CCDC158: variants seen among roughly 807,000 people sequenced by gnomAD.
CCDC158 encodes the protein coiled-coil domain-containing protein 158.
CCDC158 carries 116 observed loss-of-function variants against 138.6 expected under a neutral mutation model. The observed-to-expected ratio is 0.84, with a 90% confidence interval of 0.72 to 0.98. CCDC158 has a LOEUF of 0.98. CCDC158 is among the 50% of genes least tolerant of loss of function. CCDC158 has a pLI of 0.00. For missense variants in CCDC158, 1,265 were observed against 1,306.1 expected (o/e 0.97, Z 0.48); for synonymous variants, 436 against 442.4 (o/e 0.99, Z 0.18).
chr4:76,359,543 T>G (rs751895990), intron 13 of CCDC158, among the ~76,000 whole-genome samples: 3 of 152,218 alleles, frequency 2.0e-5, no homozygotes, highest in Non-Finnish European at 2.9e-5. Flanking sequence ...AGGAACTTAC[T>G]GGGAAATGAA....
intron 14 of CCDC158, among the ~76,000 whole-genome samples, chr4:76,355,798 C>CGTGTGT (rs71212417): frequency 0.082 from 11,982 of 145,462 alleles, 629 homozygotes; most frequent in East Asian, 0.21. Flanking sequence ...AATATATGTA[C>CGTGTGT]GTGTGTGTGT....
At chr4:76,415,863 G>A (rs1729650301) in intron 1 of CCDC158, among the ~76,000 whole-genome samples, 1 of 152,106 alleles carries the variant, frequency 6.6e-6, no homozygotes, top group Non-Finnish European at 1.5e-5. Context: ...AAAAATACCC[G>A]CTACTTAGCA....
intron 18 of CCDC158, among the ~76,000 whole-genome samples, chr4:76,334,426 T>C (rs931653039): frequency 2.6e-5 from 4 of 152,210 alleles, no homozygotes; most frequent in Admixed American, 2.0e-4. Context: ...TTTAAACTAC[T>C]TTTGTTTTAA....
At chr4:76,325,272 A>T (rs1456449099) in intron 23 of CCDC158, among the ~76,000 whole-genome samples, 1 of 152,212 alleles carries the variant, frequency 6.6e-6, no homozygotes, top group African/African-American at 2.4e-5. Flanking sequence ...TCTCTTACAA[A>T]AGGGAATGAT....
chr4:76,383,880 A>G, intron 6 of CCDC158, 142 bp from the exon 7 acceptor site: 1 of 713,036 alleles, frequency 1.4e-6, no homozygotes, highest in Non-Finnish European at 2.3e-6. Flanking sequence ...ATATTTTATT[A>G]GATCTTTTAC....
chr4:76,371,025 T>C (rs1034810149), intron 10 of CCDC158, among the ~76,000 whole-genome samples: 4 of 152,224 alleles, frequency 2.6e-5, no homozygotes, highest in South Asian at 2.1e-4. Context: ...AGCACAATCA[T>C]ACTGTCCTTT....
intron 13 of CCDC158, among the ~76,000 whole-genome samples, chr4:76,358,867 C>T (rs1003361886): frequency 6.6e-6 from 1 of 152,178 alleles, no homozygotes; most frequent in Non-Finnish European, 1.5e-5. Flanking sequence ...ATAGTAAATG[C>T]TCAGTAACTT....
In CCDC158 at chr4:76,388,631, T is replaced by TGTCC. The variant is rs537548881; in HGVS notation, c.289-3970_289-3967dup. On this transcript the variant is annotated intron_variant, in intron 4 of 24. Transcript: ENST00000682701. ...TCCAATCCCTGGCTCCTGGACAGCA[T>TGTCC]GTCCAGACATGCACAGGGCCTAGGG... Among the ~76,000 whole-genome samples the TGTCC allele has an allele frequency of 1.6e-3, 239 of 152,290 alleles. 2 individuals carry two copies. Among genetic ancestry groups the TGTCC allele is most frequent in the African/African-American group, 5.4e-3 (226 of 41,566 alleles).
At chr4:76,329,344 C>T (rs1024684148) in intron 21 of CCDC158, among the ~76,000 whole-genome samples, 25 of 152,154 alleles carry the variant, frequency 1.6e-4, no homozygotes, top group African/African-American at 2.9e-4. Flanking sequence ...CCAGCACTTT[C>T]GGAGGCTGAC....
At chr4:76,391,047 C>A (rs74673364) in intron 4 of CCDC158, among the ~76,000 whole-genome samples, 1 of 151,918 alleles carries the variant, frequency 6.6e-6, no homozygotes. Flanking sequence ...GACATCAACA[C>A]CCCACTTTCA....
intron 10 of CCDC158, 42 bp from the exon 11 acceptor site, chr4:76,369,665 ATAAT>A (rs1725053584): frequency 6.6e-7 from 1 of 1,524,204 alleles, no homozygotes; most frequent in African/African-American, 1.4e-5. Flanking sequence ...CTGCTATTAA[ATAAT>A]TAAGATAAAA....
At chr4:76,405,730 GCAGT>G (rs1309594640) in intron 2 of CCDC158, among the ~76,000 whole-genome samples, 11 of 152,096 alleles carry the variant, frequency 7.2e-5, no homozygotes, top group African/African-American at 2.7e-4. Context: ...GGAATAGACA[GCAGT>G]CAAAGGACAC....
chr4:76,365,025 C>T (rs1259160652), intron 12 of CCDC158, among the ~76,000 whole-genome samples: 2 of 152,202 alleles, frequency 1.3e-5, no homozygotes, highest in African/African-American at 4.8e-5. Flanking sequence ...GAGGGCTTTC[C>T]CTGGGACAAC....
rs1414705047 is a variant in CCDC158 at position 76,345,432 on chromosome 4, C to T, written c.2664+5564G>A. ...GGAGTGCTGCCTGAAATTTGAACAG[C>T]TTTCCAAATCTGCAAAAGAAGAACT... On this transcript the variant is annotated intron_variant, in intron 18 of 24. Transcript: ENST00000682701. 9 of 934,882 alleles carry T rather than the reference C, an allele frequency of 9.6e-6. No individual in the cohort carries two copies. The East Asian group carries it at 2.1e-4, about 22-fold the overall frequency. The allele number at this position is 934,882 out of a possible 1,614,324, so 57.9% of individuals were successfully genotyped here. A position where few individuals can be genotyped will look rare whatever the true frequency, so the allele number is the denominator to read the frequency against.
chr4:76,339,236 G>A (rs1412103513), intron 18 of CCDC158, among the ~76,000 whole-genome samples: 1 of 152,060 alleles, frequency 6.6e-6, no homozygotes, highest in Admixed American at 6.5e-5. Context: ...TGTCTGCACC[G>A]AGAGCATCAT....
Position 76,353,217 on chromosome 4 carries a change from T to C in CCDC158, c.2351A>G (p.Glu784Gly). The C allele has an allele frequency of 6.2e-7, 1 of 1,613,872 alleles. No individual in the cohort carries two copies. Among genetic ancestry groups the C allele is most frequent in the South Asian group, 1.1e-5 (1 of 91,012 alleles). Residue 784 changes from glutamate to glycine, a missense_variant, in exon 16 of 25, where the codon GAA becomes GGA. Glu to Gly is a moderately conservative substitution (Grantham distance 98). Coordinates refer to ENST00000682701, the MANE Select transcript of CCDC158 (RefSeq NM_001394954.1). The part of the protein sequence containing the change: ...LSQELSTVAT[E>G]KNKMAGELEV... ...CAACTCCCCAGCCATCTTGTTTTTTTCTGTGGCAACAGTACTCAATTCCTG... is the reference window on the plus strand; with the variant it reads ...CAACTCCCCAGCCATCTTGTTTTTTCCTGTGGCAACAGTACTCAATTCCTG...
Position 76,403,190 on chromosome 4 carries a change from C to G in CCDC158, c.18G>C (p.Trp6Cys). 6.2e-7 allele frequency: 1 copy of G among 1,604,384 alleles called. No homozygotes were observed. The highest frequency in any genetic ancestry group is 8.5e-7 in the Non-Finnish European group (1 of 1,174,664). The change falls in exon 3 of 25, where the codon TGG (tryptophan) becomes TGC (cysteine). Residue 6 changes from tryptophan (W) to cysteine (C), a missense_variant. Transcript: ENST00000682701. ...ATAAAAGATCTTCATTATTTGATTC[C>G]CAAGCTTTTGATTCCATATTAAATA... Reference protein sequence around the residue: MESKAWESNNEDLLSS... With the variant: MESKACESNNEDLLSS...
intron 16 of CCDC158, chr4:76,352,497 GCA>G (rs1318344722): frequency 6.6e-6 from 1 of 152,176 alleles, no homozygotes; most frequent in Non-Finnish European, 1.5e-5. Context: ...AACAAAGGTA[GCA>G]GAGATGAGAT....
intron 9 of CCDC158, among the ~76,000 whole-genome samples, chr4:76,372,077 A>G (rs1202373866): frequency 6.6e-6 from 1 of 152,042 alleles, no homozygotes; most frequent in Non-Finnish European, 1.5e-5. Flanking sequence ...AATTGCCTGT[A>G]ATACATCTGT....
Sources: allele counts gnomAD v4.1 joint callset (sites outside exome capture counted in the v4.1 genomes callset), GRCh38; gene constraint gnomAD v4.1.1; transcripts MANE v1.5; gene names NCBI Gene and HGNC (gene_info 2026-07-23, HGNC 2026-07-21).